DIP2C: variants seen among roughly 807,000 people sequenced by gnomAD.
DIP2C encodes the protein disco-interacting protein 2 homolog C.
Under a neutral mutation model 192.4 loss-of-function variants are expected in DIP2C, and 33 were observed. The ratio of observed to expected loss-of-function variants is 0.17; its 90% CI spans 0.13 to 0.23. The LOEUF is 0.23. Among genes scored for constraint, DIP2C ranks in the 10% least tolerant of loss-of-function variants. DIP2C has a pLI of 1.00. For missense variants in DIP2C, 1,537 were observed against 2,110.1 expected (o/e 0.73, Z 5.32); for synonymous variants, 979 against 864.1 (o/e 1.13, Z -2.33).
chr10:379,578 T>C (rs1256234172), intron 17 of DIP2C, among the ~76,000 whole-genome samples: 1 of 152,226 alleles, frequency 6.6e-6, no homozygotes, highest in Admixed American at 6.5e-5. Context: ...GTGGCTTTCT[T>C]GTGAGTGCCT....
At chr10:658,192 G>A in intron 1 of DIP2C, among the ~76,000 whole-genome samples, 1 of 150,408 alleles carries the variant, frequency 6.6e-6, no homozygotes, top group South Asian at 2.1e-4. Context: ...CCTCACACTG[G>A]ACCTGTCCCT....
intron 14 of DIP2C, 47 bp downstream of exon 14, chr10:387,698 T>A (rs779512263): frequency 2.2e-6 from 3 of 1,359,900 alleles, no homozygotes; most frequent in African/African-American, 1.8e-5. Flanking sequence ...CAGGGCAGGG[T>A]GGGGGACTCC....
chr10:387,603 GA>G (rs1168653305), intron 14 of DIP2C, 141 bp downstream of exon 14: 7 of 723,952 alleles, frequency 9.7e-6, no homozygotes, highest in African/African-American at 5.4e-5. Flanking sequence ...GGGTGGGAGG[GA>G]GACTCCTGTG....
intron 17 of DIP2C, among the ~76,000 whole-genome samples, chr10:380,940 A>G (rs1037341559): frequency 1.7e-4 from 26 of 152,242 alleles, no homozygotes; most frequent in African/African-American, 5.1e-4. Flanking sequence ...TCTGTGGCAC[A>G]CAACTGAAAC....
intron 1 of DIP2C, among the ~76,000 whole-genome samples, chr10:552,979 C>T (rs1369860384): frequency 2.0e-5 from 3 of 152,268 alleles, no homozygotes; most frequent in Non-Finnish European, 4.4e-5. Flanking sequence ...GGGAGGGGAT[C>T]AGCCACCCTA....
intron 10 of DIP2C, among the ~76,000 whole-genome samples, chr10:392,742 A>ACACGCG (rs1963578104): frequency 6.2e-5 from 2 of 32,300 alleles, no homozygotes; most frequent in African/African-American, 7.8e-5. Flanking sequence ...ACACGCGCAC[A>ACACGCG]CACTCACATA....
chr10:598,678 A>G (rs1038342678), intron 1 of DIP2C, among the ~76,000 whole-genome samples: 3 of 152,132 alleles, frequency 2.0e-5, no homozygotes, highest in African/African-American at 7.2e-5. Context: ...AATTAAAGGC[A>G]TGAGAGCTCA....
intron 1 of DIP2C, among the ~76,000 whole-genome samples, chr10:612,991 G>A (rs1033510160): frequency 6.6e-5 from 10 of 152,158 alleles, no homozygotes; most frequent in Non-Finnish European, 1.3e-4. Context: ...CAGCAGTGAT[G>A]AACGCTGACC....
intron 1 of DIP2C, among the ~76,000 whole-genome samples, chr10:558,618 T>G (rs1310084424): frequency 6.6e-6 from 1 of 152,132 alleles, no homozygotes; most frequent in Non-Finnish European, 1.5e-5. Context: ...GAAAGGCAGC[T>G]TCTCCTGCAC....
At chr10:381,237 T>G (rs949594236) in intron 17 of DIP2C, among the ~76,000 whole-genome samples, 12 of 152,174 alleles carry the variant, frequency 7.9e-5, no homozygotes, top group African/African-American at 2.7e-4. Context: ...GCATCAGCAC[T>G]GAACGGTTTA....
At chr10:498,330 T>C (rs1366729545) in intron 1 of DIP2C, among the ~76,000 whole-genome samples, 1 of 152,238 alleles carries the variant, frequency 6.6e-6, no homozygotes, top group Non-Finnish European at 1.5e-5. Context: ...AGGGAATGAC[T>C]GGGCTCTAAC....
At chr10:300,442 A>G (rs1006897999) in intron 32 of DIP2C, among the ~76,000 whole-genome samples, 3 of 152,232 alleles carry the variant, frequency 2.0e-5, no homozygotes, top group Non-Finnish European at 4.4e-5. Flanking sequence ...TACCTAGAGT[A>G]GTCAAATTCA....
At chr10:687,421 C>T (rs549322241) in intron 1 of DIP2C, among the ~76,000 whole-genome samples, 89 of 152,288 alleles carry the variant, frequency 5.8e-4, no homozygotes, top group South Asian at 2.3e-3. Context: ...CAGCACAGGC[C>T]GGAGGGTGCA....
chr10:304,281 C>T (rs1956202376), intron 32 of DIP2C, among the ~76,000 whole-genome samples: 1 of 152,150 alleles, frequency 6.6e-6, no homozygotes, highest in Middle Eastern at 3.2e-3. Flanking sequence ...CAATAAACTC[C>T]ATTTCACAGG....
chr10:668,961 G>A (rs1415547832), intron 1 of DIP2C: 4 of 152,112 alleles, frequency 2.6e-5, no homozygotes, highest in African/African-American at 9.7e-5. Context: ...ACACTCAGAG[G>A]CCAGGAAGGG....
At chr10:501,000 C>T (rs900175777) in intron 1 of DIP2C, among the ~76,000 whole-genome samples, 2 of 152,172 alleles carry the variant, frequency 1.3e-5, no homozygotes, top group African/African-American at 4.8e-5. Flanking sequence ...GGCAAATGAC[C>T]TACCAGAAGT....
At chr10:505,771 G>A (rs928817319) in intron 1 of DIP2C, among the ~76,000 whole-genome samples, 4 of 151,468 alleles carry the variant, frequency 2.6e-5, no homozygotes, top group Non-Finnish European at 5.9e-5. Context: ...AGAGCTGCCT[G>A]CCCAGCTGTG....
chr10:523,337 G>GACA (rs1846838042), intron 1 of DIP2C, among the ~76,000 whole-genome samples: 1 of 146,000 alleles, frequency 6.8e-6, no homozygotes. Context: ...TCTACCGGAT[G>GACA]CAAAGGACCC....
At chr10:616,077 G>A (rs1020490089) in intron 1 of DIP2C, among the ~76,000 whole-genome samples, 33 of 152,180 alleles carry the variant, frequency 2.2e-4, no homozygotes, top group African/African-American at 6.8e-4. Flanking sequence ...CTCCTTGAGT[G>A]TAATGACTCC....
Sources: allele counts gnomAD v4.1 joint callset (sites outside exome capture counted in the v4.1 genomes callset), GRCh38; gene constraint gnomAD v4.1.1; transcripts MANE v1.5; gene names NCBI Gene and HGNC (gene_info 2026-07-23, HGNC 2026-07-21).